MGAT4C: variants seen among roughly 807,000 people sequenced by gnomAD.
MGAT4C encodes the protein alpha-1,3-mannosyl-glycoprotein 4-beta-N-acetylglucosaminyltransferase C.
In MGAT4C, 19 loss-of-function variants were observed where a neutral mutation model predicts 40.1. The observed-to-expected ratio is 0.47, with a 90% confidence interval of 0.33 to 0.70. The LOEUF (loss-of-function observed/expected upper bound fraction) is 0.70. Ranked by LOEUF, MGAT4C falls within the 30% of genes least tolerant of loss-of-function variation. The pLI is 0.02. For missense variants in MGAT4C, 491 were observed against 563.2 expected, an observed-to-expected ratio of 0.87 and a Z score of 1.30; for synonymous variants, 181 against 187.1, an observed-to-expected ratio of 0.97 and a Z score of 0.27.
At chr12:86,102,399 T>C (rs1425982623) in intron 1 of MGAT4C, among the ~76,000 whole-genome samples, 2 of 152,060 alleles carry the variant, frequency 1.3e-5, no homozygotes, top group African/African-American at 4.8e-5. Flanking sequence ...GGCATATCAT[T>C]AATCTAGTGA....
At chr12:86,268,634 C>T (rs1040068509) in intron 4 of MGAT4C, among the ~76,000 whole-genome samples, 1 of 131,650 alleles carries the variant, frequency 7.6e-6, no homozygotes, top group Non-Finnish European at 1.8e-5. Flanking sequence ...AATTGGCTTA[C>T]TGCTCAAACA....
chr12:86,446,293 AGTC>A, intron 2 of MGAT4C, among the ~76,000 whole-genome samples: 1 of 152,036 alleles, frequency 6.6e-6, no homozygotes, highest in East Asian at 1.9e-4. Context: ...AAAAAAACAA[AGTC>A]ATTTGAATAA....
intron 4 of MGAT4C, among the ~76,000 whole-genome samples, chr12:86,306,955 T>G (rs1953947819): frequency 6.6e-6 from 1 of 150,454 alleles, no homozygotes; most frequent in Non-Finnish European, 1.5e-5. Context: ...GTTTGAAAAT[T>G]TTCATAACAA....
intron 4 of MGAT4C, among the ~76,000 whole-genome samples, chr12:86,278,972 A>ACATTGATTGATTTATGTATGCTGAAT (rs71076178): frequency 6.6e-6 from 1 of 151,896 alleles, no homozygotes; most frequent in Non-Finnish European, 1.5e-5. Context: ...ATGATGTCTC[A>ACATTGATTGATTTATGTATGCTGAAT]CATCCTTATA....
At chr12:86,663,001 C>A (rs1964017089) in intron 2 of MGAT4C, among the ~76,000 whole-genome samples, 1 of 152,064 alleles carries the variant, frequency 6.6e-6, no homozygotes, top group Admixed American at 6.6e-5. Context: ...ATCCAAGTGT[C>A]TTTGACATTA....
chr12:86,789,703 C>T (rs567290391), intron 1 of MGAT4C, among the ~76,000 whole-genome samples: 1 of 152,030 alleles, frequency 6.6e-6, no homozygotes, highest in Non-Finnish European at 1.5e-5. Flanking sequence ...AGGATTTGCA[C>T]TATTTATAAC....
At chr12:86,562,573 C>T (rs1959918709) in intron 2 of MGAT4C, among the ~76,000 whole-genome samples, 1 of 151,998 alleles carries the variant, frequency 6.6e-6, no homozygotes, top group Admixed American at 6.6e-5. Flanking sequence ...AATGACCTCC[C>T]CAGAGGCAAT....
chr12:86,633,430 C>T (rs949095012), intron 2 of MGAT4C, among the ~76,000 whole-genome samples: 1 of 152,026 alleles, frequency 6.6e-6, no homozygotes, highest in Non-Finnish European at 1.5e-5. Flanking sequence ...ATTTCCCCAA[C>T]ATCTTCTATA....
At position 85,959,757 on chromosome 12, in the gene MGAT4C, G is replaced by T. The variant is rs78938640; in HGVS notation, c.*19532C>A. On this transcript the variant is annotated 3_prime_UTR_variant, in exon 5 of 5. Coordinates refer to ENST00000611864, the MANE Select transcript of MGAT4C (RefSeq NM_001351288.2). The stretch of plus-strand genomic sequence containing the variant: ...GCTGAAATCGAGATCAATATTCATT[G>T]TTTTCTTCTGGGTTAACTCTTTTTT... 1.5e-5 allele frequency: 2 copies of T among 132,284 alleles called. No homozygotes were observed. The highest frequency in any genetic ancestry group is 2.2e-4 in the East Asian group (1 of 4,502). The allele number at this position is 132,284 out of a possible 1,614,324, so 8.2% of individuals were successfully genotyped here. A position where few individuals can be genotyped will look rare whatever the true frequency, so the allele number is the denominator to read the frequency against.
At chr12:86,332,373 G>A (rs1250232097) in intron 4 of MGAT4C, among the ~76,000 whole-genome samples, 1 of 150,586 alleles carries the variant, frequency 6.6e-6, no homozygotes, top group African/African-American at 2.4e-5. Flanking sequence ...ATAATAAAAT[G>A]AAGAACGGAT....
intron 4 of MGAT4C, among the ~76,000 whole-genome samples, chr12:86,309,979 C>A (rs577953878): frequency 6.7e-6 from 1 of 150,320 alleles, no homozygotes; most frequent in Non-Finnish European, 1.5e-5. Flanking sequence ...AAGAAAGATA[C>A]GATAAAGCAA....
rs535715178 is a variant in MGAT4C, at chr12:86,598,171, C to T, written c.-229+129038G>A. Among the ~76,000 whole-genome samples, 201 of 151,902 alleles carry T rather than the reference C, an allele frequency of 1.3e-3. 1 individual carries two copies. The highest frequency in any genetic ancestry group is 6.0e-4 in the Non-Finnish European group (41 of 67,972). ...TTACAATTGCCAATTTATACATGTT[C>T]GTAGAAAACTATTTTCTTTAAAGAT... On this transcript the variant is annotated intron_variant, in intron 2 of 7. Coordinates refer to the MGAT4C transcript ENST00000548651.
chr12:86,493,233 G>A (rs1189952481), intron 2 of MGAT4C, among the ~76,000 whole-genome samples: 5 of 151,108 alleles, frequency 3.3e-5, no homozygotes, highest in Admixed American at 3.3e-4. Flanking sequence ...GTGGAAGTCA[G>A]TGTGGCGATT....
At chr12:86,410,821 A>C (rs922720828) in intron 3 of MGAT4C, among the ~76,000 whole-genome samples, 5 of 152,202 alleles carry the variant, frequency 3.3e-5, no homozygotes, top group Admixed American at 2.6e-4. Context: ...AAACTGATAA[A>C]TGTCCATGAA....
intron 2 of MGAT4C, among the ~76,000 whole-genome samples, chr12:86,703,157 T>A (rs1200920499): frequency 6.6e-6 from 1 of 152,178 alleles, no homozygotes; most frequent in African/African-American, 2.4e-5. Context: ...GATGAGGAAT[T>A]GCTTCTTACG....
intron 1 of MGAT4C, among the ~76,000 whole-genome samples, chr12:86,191,790 T>TGTG (rs1416175023): frequency 2.9e-5 from 1 of 33,972 alleles, no homozygotes; most frequent in Non-Finnish European, 5.9e-5. Context: ...GTGTGTGTGG[T>TGTG]GTTTTCAGGA....
At chr12:86,804,515 G>A (rs1952310160) in intron 1 of MGAT4C, among the ~76,000 whole-genome samples, 1 of 151,050 alleles carries the variant, frequency 6.6e-6, no homozygotes, top group African/African-American at 2.4e-5. Flanking sequence ...ATTATATTTG[G>A]CTATTTCTCA....
chr12:86,701,623 A>G (rs71452145), intron 2 of MGAT4C, among the ~76,000 whole-genome samples: 1 of 152,112 alleles, frequency 6.6e-6, no homozygotes, highest in Non-Finnish European at 1.5e-5. Flanking sequence ...CCCTATAATG[A>G]TCTCTAAGGG....
At position 86,361,672 on chromosome 12, in the gene MGAT4C, G is replaced by A. The variant is rs370773647; in HGVS notation, c.-119-27545C>T. On this transcript the variant is annotated intron_variant, in intron 3 of 7. Coordinates refer to the MGAT4C transcript ENST00000548651. Reference sequence around the variant, plus strand: ...CATACAACCCCATCAAAAAGTGGGCGAAGGATATTAACAGACACTTCTCAA... The same window carrying A: ...CATACAACCCCATCAAAAAGTGGGCAAAGGATATTAACAGACACTTCTCAA... 5.0e-4 allele frequency among the ~76,000 whole-genome samples: 76 copies of A among 152,210 alleles called. 2 individuals carry two copies. Among genetic ancestry groups the A allele is most frequent in the Admixed American group, 3.3e-3 (50 of 15,284 alleles).
Sources: gnomAD v4.1 joint callset for allele counts (sites outside exome capture counted in the v4.1 genomes callset) on GRCh38, gnomAD v4.1.1 for gene constraint, MANE v1.5 for transcripts, NCBI Gene and HGNC (gene_info 2026-07-23, HGNC 2026-07-21) for gene names.